NIPAL2: variants seen among roughly 807,000 people sequenced by gnomAD.
NIPAL2 encodes NIPA-like protein 2.
In NIPAL2, 43 loss-of-function variants were observed where a neutral mutation model predicts 48.9. The observed-to-expected ratio is 0.88, with a 90% CI of 0.69 to 1.13. The LOEUF (loss-of-function observed/expected upper bound fraction) is 1.13, where lower values mean the gene tolerates loss of function less well. Among genes scored for constraint, NIPAL2 ranks in the 50% most tolerant of loss-of-function variants. NIPAL2 has a pLI of 0.00. For synonymous variants in NIPAL2, 167 were observed against 174.6 expected (o/e 0.96, Z 0.34); for missense variants, 446 against 461.4 (o/e 0.97, Z 0.31).
chr8:98,219,612 C>T (rs1181337238), intron 5 of NIPAL2, among the ~76,000 whole-genome samples: 1 of 152,160 alleles, frequency 6.6e-6, no homozygotes, highest in African/African-American at 2.4e-5. Flanking sequence ...CTCCTAGCCC[C>T]CTTCCTGTTG....
chr8:98,232,067 G>T (rs1812466934), intron 4 of NIPAL2, among the ~76,000 whole-genome samples: 1 of 152,072 alleles, frequency 6.6e-6, no homozygotes, highest in Non-Finnish European at 1.5e-5. Context: ...CGGCAACAAA[G>T]GCTCAAAGAA....
At chr8:98,193,533 A>G (rs1161256298) in intron 10 of NIPAL2, 2 of 1,031,286 alleles carry the variant, frequency 1.9e-6, no homozygotes, top group South Asian at 1.3e-5. Context: ...GTTAAAAATA[A>G]TCAGGCTCGG....
chr8:98,270,607 T>C (rs1302160237), intron 1 of NIPAL2, among the ~76,000 whole-genome samples: 2 of 152,210 alleles, frequency 1.3e-5, no homozygotes, highest in African/African-American at 4.8e-5. Context: ...TAATACATCT[T>C]TGTCAGATGC....
chr8:98,279,404 T>C (rs1815664585), intron 1 of NIPAL2, among the ~76,000 whole-genome samples: 1 of 152,252 alleles, frequency 6.6e-6, no homozygotes, highest in Non-Finnish European at 1.5e-5. Flanking sequence ...AGATTAAAAA[T>C]GTCTAGTTTA....
intron 1 of NIPAL2, among the ~76,000 whole-genome samples, chr8:98,286,652 T>C (rs889485918): frequency 2.0e-5 from 3 of 151,478 alleles, no homozygotes; most frequent in Non-Finnish European, 2.9e-5. Flanking sequence ...CTACTAAAAA[T>C]ACAAAAATTA....
rs1415962485 is a variant in NIPAL2 at position 98,264,827 on chromosome 8, A to G, written c.136-10740T>C. 2.0e-5 allele frequency among the ~76,000 whole-genome samples: 3 copies of G among 152,344 alleles called. No homozygotes were observed. In the East Asian group the frequency reaches 5.8e-4, roughly 29 times the overall value. ...AAAAGGAGCCTGCATTGCCAAGTCAATCCTAAGCCAAAAGAACAAAGCTGG... is the reference window on the plus strand; with the variant it reads ...AAAAGGAGCCTGCATTGCCAAGTCAGTCCTAAGCCAAAAGAACAAAGCTGG... On this transcript the variant is annotated intron_variant, in intron 1 of 10. Coordinates refer to ENST00000430223, the MANE Select transcript of NIPAL2 (RefSeq NM_001321635.2).
At chr8:98,278,128 G>A (rs1330239706) in intron 1 of NIPAL2, among the ~76,000 whole-genome samples, 1 of 152,206 alleles carries the variant, frequency 6.6e-6, no homozygotes. Context: ...CCTTATTGTT[G>A]TTGTTGATAA....
At chr8:98,199,792 T>A (rs1201887485) in intron 8 of NIPAL2, among the ~76,000 whole-genome samples, 1 of 152,152 alleles carries the variant, frequency 6.6e-6, no homozygotes, top group Non-Finnish European at 1.5e-5. Context: ...AAACCTTCAA[T>A]TTGTAAAAAA....
At chr8:98,269,537 C>T (rs941663670) in intron 1 of NIPAL2, among the ~76,000 whole-genome samples, 6 of 152,078 alleles carry the variant, frequency 3.9e-5, no homozygotes, top group East Asian at 1.9e-4. Context: ...GTCTCAATGG[C>T]GGGTTTAAAA....
chr8:98,256,173 A>G (rs1813879423), intron 1 of NIPAL2, among the ~76,000 whole-genome samples: 1 of 151,988 alleles, frequency 6.6e-6, no homozygotes. Context: ...ACAGGCGTGC[A>G]CCACCACACC....
chr8:98,238,505 A>C (rs889488335), intron 3 of NIPAL2, among the ~76,000 whole-genome samples: 4 of 152,214 alleles, frequency 2.6e-5, no homozygotes, highest in African/African-American at 9.6e-5. Context: ...GCTGTGGTTA[A>C]ATTTGAATGT....
Position 98,189,991 on chromosome 8 carries a change from C to T in NIPAL2, c.*2987G>A, listed in dbSNP as rs1268575348. 1 of 152,208 alleles carries T rather than the reference C, an allele frequency of 6.6e-6. No homozygotes were observed. The highest frequency in any genetic ancestry group is 1.5e-5 in the Non-Finnish European group (1 of 68,038). 9.4% of individuals were successfully genotyped at this position (152,208 alleles called of 1,614,324 possible). On this transcript the variant is annotated 3_prime_UTR_variant, in exon 11 of 11. Transcript: ENST00000430223. ...AGGTCATTGTTACTCATTTCCAAAGCTGTTATAGACTTGGAATGTGGAATT... is the reference window on the plus strand; with the variant it reads ...AGGTCATTGTTACTCATTTCCAAAGTTGTTATAGACTTGGAATGTGGAATT...
intron 3 of NIPAL2, among the ~76,000 whole-genome samples, chr8:98,237,322 G>T (rs567547046): frequency 6.6e-6 from 1 of 152,110 alleles, no homozygotes; most frequent in South Asian, 2.1e-4. Flanking sequence ...AAAGTATTGG[G>T]ATTACAGGCG....
At chr8:98,278,612 C>A in intron 1 of NIPAL2, among the ~76,000 whole-genome samples, 1 of 152,120 alleles carries the variant, frequency 6.6e-6, no homozygotes, top group East Asian at 1.9e-4. Flanking sequence ...TACAATACTG[C>A]AATTAATTTT....
Position 98,197,072 on chromosome 8 carries a change from C to CT in NIPAL2, c.881-1068dup, listed in dbSNP as rs1234727285. On this transcript the variant is annotated intron_variant, in intron 8 of 10. Coordinates refer to ENST00000430223, the MANE Select transcript of NIPAL2 (RefSeq NM_001321635.2). ...AGGGCATTTCAAGTTGGTTCTACATCTTTTTTCTCTTTTTTTTTTTTCAAT... is the reference window on the plus strand; with the variant it reads ...AGGGCATTTCAAGTTGGTTCTACATCTTTTTTTCTCTTTTTTTTTTTTCAAT... Among the ~76,000 whole-genome samples the CT allele has an allele frequency of 2.5e-4, 38 of 149,224 alleles. No homozygotes were observed. In the Admixed American group the frequency reaches 2.5e-3, roughly 10 times the overall value.
rs535271406 is a variant in NIPAL2, at chr8:98,218,239, TTTTGCCTGCAGGCAAAGAGTAATA to T, written c.558+4216_558+4239del. Among the ~76,000 whole-genome samples, 25 of 152,374 alleles carry T rather than the reference TTTTGCCTGCAGGCAAAGAGTAATA, an allele frequency of 1.6e-4. No homozygotes were observed. In the East Asian group the frequency reaches 4.8e-3, roughly 29 times the overall value. ...TTTTCTTAACTAGATGAAGAATTTA[TTTTGCCTGCAGGCAAAGAGTAATA>T]ATTTGTTGGTAAGGCTTCAAGTCTG... On this transcript the variant is annotated intron_variant, in intron 5 of 10. Transcript: ENST00000430223.
At chr8:98,278,225 TTTG>T (rs1815597466) in intron 1 of NIPAL2, among the ~76,000 whole-genome samples, 1 of 143,406 alleles carries the variant, frequency 7.0e-6, no homozygotes, top group Non-Finnish European at 1.6e-5. Flanking sequence ...ATCATGGTTT[TTTG>T]TTTGTTTGTT....
At chr8:98,253,019 G>A (rs184985336) in intron 2 of NIPAL2, among the ~76,000 whole-genome samples, 29 of 152,050 alleles carry the variant, frequency 1.9e-4, no homozygotes, top group African/African-American at 6.3e-4. Context: ...TTTGTCCAAC[G>A]TATCCATGCT....
chr8:98,285,198 C>T (rs1327851212), intron 1 of NIPAL2, among the ~76,000 whole-genome samples: 1 of 152,172 alleles, frequency 6.6e-6, no homozygotes, highest in African/African-American at 2.4e-5. Context: ...CCTGGGTGAG[C>T]TGGGAGTGGT....
Sources: allele counts gnomAD v4.1 joint callset (sites outside exome capture counted in the v4.1 genomes callset), GRCh38; gene constraint gnomAD v4.1.1; transcripts MANE v1.5; gene names NCBI Gene and HGNC (gene_info 2026-07-23, HGNC 2026-07-21).